The following PATJ variants were observed in gnomAD, a reference collection of about 807,000 sequenced individuals.
The protein encoded by PATJ is inaD-like protein.
PATJ carries 190 observed loss-of-function variants against 224.9 expected under a neutral mutation model. The ratio of observed to expected loss-of-function variants is 0.84; its 90% CI spans 0.75 to 0.95. The LOEUF is 0.95. Among genes scored for constraint, PATJ ranks in the 40% least tolerant of loss-of-function variants. The pLI is 0.00. For synonymous variants in PATJ, 769 were observed against 820.3 expected, an observed-to-expected ratio of 0.94 and a Z score of 1.07; for missense variants, 2,121 against 2,270.3, an observed-to-expected ratio of 0.93 and a Z score of 1.34.
At chr1:61,882,073 G>A (rs567061956) in intron 21 of PATJ, among the ~76,000 whole-genome samples, 2 of 152,184 alleles carry the variant, frequency 1.3e-5, no homozygotes, top group Non-Finnish European at 2.9e-5. Flanking sequence ...TAAGAGTGCT[G>A]CTCTGGGGGT....
chr1:61,776,030 A>G (rs183472232), intron 7 of PATJ, among the ~76,000 whole-genome samples: 6 of 152,352 alleles, frequency 3.9e-5, no homozygotes, highest in Admixed American at 2.6e-4. Context: ...GCCCAGTTAC[A>G]TATAAATTTA....
intron 28 of PATJ, among the ~76,000 whole-genome samples, chr1:62,017,582 A>C (rs1646844464): frequency 6.6e-6 from 1 of 151,800 alleles, no homozygotes; most frequent in Non-Finnish European, 1.5e-5. Context: ...ATACAAAAAA[A>C]TTAGCCAGGC....
At chr1:61,748,070 G>C (rs1027639447) in intron 1 of PATJ, among the ~76,000 whole-genome samples, 1 of 151,734 alleles carries the variant, frequency 6.6e-6, no homozygotes, top group African/African-American at 2.4e-5. Context: ...TAGTAGAGAC[G>C]GGGTTTCACC....
At chr1:62,111,147 A>C (rs139242142) in intron 34 of PATJ, among the ~76,000 whole-genome samples, 1 of 152,216 alleles carries the variant, frequency 6.6e-6, no homozygotes, top group East Asian at 1.9e-4. Context: ...CTTTTAATTA[A>C]AAGTATATTT....
intron 7 of PATJ, among the ~76,000 whole-genome samples, chr1:61,780,785 C>T (rs1354860632): frequency 6.6e-6 from 1 of 152,070 alleles, no homozygotes; most frequent in Non-Finnish European, 1.5e-5. Context: ...TACTAACATG[C>T]TTTATGAATT....
intron 27 of PATJ, among the ~76,000 whole-genome samples, chr1:61,970,487 A>G (rs1682814878): frequency 6.6e-6 from 1 of 152,034 alleles, no homozygotes; most frequent in Non-Finnish European, 1.5e-5. Context: ...AGTATTATAC[A>G]GAGCAGTTTT....
intron 41 of PATJ, among the ~76,000 whole-genome samples, chr1:62,137,433 C>T (rs75869689): frequency 1.9e-5 from 1 of 51,446 alleles, no homozygotes; most frequent in Non-Finnish European, 3.5e-5. Flanking sequence ...GGGGTAAATG[C>T]CTCTGGAGGG....
chr1:61,742,846 T>A (rs1644831086), intron 1 of PATJ, among the ~76,000 whole-genome samples: 1 of 150,126 alleles, frequency 6.7e-6, no homozygotes, highest in Non-Finnish European at 1.5e-5. Flanking sequence ...CCCACGGTGG[T>A]CCCCGCCCCG....
chr1:61,997,985 TATATG>T (rs1645485434), intron 28 of PATJ, among the ~76,000 whole-genome samples: 2 of 117,836 alleles, frequency 1.7e-5, no homozygotes, highest in African/African-American at 6.3e-5. Context: ...GCCCAGCTTA[TATATG>T]TATATATAAT....
Position 61,794,609 on chromosome 1 carries a change from GTTTTA to G in PATJ, c.1169-851_1169-847del, listed in dbSNP as rs533561926. On this transcript the variant is annotated intron_variant, in intron 9 of 43. Transcript: ENST00000642238. ...TTTATAGCCATTTGTCTGTTTCAAT[GTTTTA>G]TTTTATAATATGTAAAGATTATTTC... is the stretch of plus-strand genomic sequence containing the variant. 1.5e-4 allele frequency among the ~76,000 whole-genome samples: 23 copies of G among 152,034 alleles called. No individual in the cohort carries two copies. The South Asian group carries it at 4.2e-3, about 27-fold the overall frequency.
chr1:61,943,583 C>T (rs1040299689), intron 27 of PATJ, among the ~76,000 whole-genome samples: 2 of 152,094 alleles, frequency 1.3e-5, no homozygotes, highest in Non-Finnish European at 2.9e-5. Flanking sequence ...ATGAAGCCGC[C>T]GGGAAGCTGG....
chr1:61,745,069 A>G (rs1396779122), intron 1 of PATJ, among the ~76,000 whole-genome samples: 1 of 152,054 alleles, frequency 6.6e-6, no homozygotes, highest in Non-Finnish European at 1.5e-5. Context: ...TCCCTACCCC[A>G]TCTTCTTGGG....
At chr1:62,041,209 G>T (rs1312394841) in intron 30 of PATJ, among the ~76,000 whole-genome samples, 1 of 152,140 alleles carries the variant, frequency 6.6e-6, no homozygotes, top group Non-Finnish European at 1.5e-5. Context: ...ACCTTCAGGG[G>T]TTAACCTTTG....
In PATJ at chr1:61,943,365, G is replaced by C. The variant is rs960778286; in HGVS notation, c.3670+15536G>C. ...TAGCAAAGGAAAGCTGTGACAGAGG[G>C]TACCTGGAAAATCGGGACACTCCCA... On this transcript the variant is annotated intron_variant, in intron 27 of 43. Transcript: ENST00000642238. Among the ~76,000 whole-genome samples, 3 of 152,174 alleles carry C rather than the reference G, an allele frequency of 2.0e-5. No individual in the cohort carries two copies. The East Asian group carries it at 5.8e-4, about 29-fold the overall frequency.
At chr1:61,791,223 G>A (rs1012442644) in intron 8 of PATJ, 125 bp from the exon 9 acceptor site, 2 of 555,182 alleles carry the variant, frequency 3.6e-6, no homozygotes, top group Non-Finnish European at 6.4e-6. Context: ...AAGGTCATGG[G>A]ACCATCTTAA....
chr1:61,766,258 C>CTTT, intron 3 of PATJ, 21 bp from the exon 4 acceptor site: 1 of 1,252,946 alleles, frequency 8.0e-7, no homozygotes, highest in Admixed American at 2.5e-5. Flanking sequence ...TCTGTTGATT[C>CTTT]TTTTTTTTTC....
chr1:61,893,820 T>C (rs1571156707), intron 22 of PATJ, among the ~76,000 whole-genome samples: 1 of 149,210 alleles, frequency 6.7e-6, no homozygotes, highest in South Asian at 2.1e-4. Context: ...CCTATAATGA[T>C]AGCATAAAGG....
intron 1 of PATJ, among the ~76,000 whole-genome samples, chr1:61,757,057 C>T (rs1645686164): frequency 6.7e-6 from 1 of 149,718 alleles, no homozygotes. Context: ...ACTGTCATGG[C>T]CATCGTTTTT....
chr1:62,153,902 AT>A (rs1311755757), intron 43 of PATJ, among the ~76,000 whole-genome samples: 1 of 152,114 alleles, frequency 6.6e-6, no homozygotes, highest in African/African-American at 2.4e-5. Context: ...GAATCAGTGC[AT>A]TCTTTATTTT....
Sources: allele counts gnomAD v4.1 joint callset (sites outside exome capture counted in the v4.1 genomes callset), GRCh38; gene constraint gnomAD v4.1.1; transcripts MANE v1.5; gene names NCBI Gene and HGNC (gene_info 2026-07-23, HGNC 2026-07-21).